Variants in AKT3 observed in about 807,000 individuals in gnomAD.
The protein encoded by AKT3 is AKT serine/threonine kinase 3.
In AKT3, 15 loss-of-function variants were observed where a neutral mutation model predicts 65.3. The observed-to-expected ratio is 0.23, with a 90% CI of 0.15 to 0.35. The LOEUF is 0.35. Ranked by LOEUF, AKT3 falls within the 10% of genes least tolerant of loss-of-function variation. AKT3 has a pLI of 1.00. For synonymous variants in AKT3, 206 were observed against 183.8 expected, an observed-to-expected ratio of 1.12 and a Z score of -0.98; for missense variants, 243 against 576.5, an observed-to-expected ratio of 0.42 and a Z score of 5.92.
intron 8 of AKT3, among the ~76,000 whole-genome samples, chr1:243,600,083 G>A (rs1329309577): frequency 6.6e-6 from 1 of 151,984 alleles, no homozygotes; most frequent in East Asian, 1.9e-4. Context: ...TAATTATAAA[G>A]TATCCCTAAG....
At chr1:243,806,607 T>C (rs1692741685) in intron 2 of AKT3, among the ~76,000 whole-genome samples, 1 of 152,228 alleles carries the variant, frequency 6.6e-6, no homozygotes, top group Non-Finnish European at 1.5e-5. Context: ...ACTTTTAATG[T>C]TAAGTACATT....
At chr1:243,569,047 C>G (rs540644269) in intron 9 of AKT3, among the ~76,000 whole-genome samples, 201 of 152,284 alleles carry the variant, frequency 1.3e-3, no homozygotes, top group African/African-American at 4.3e-3. Context: ...CTGTTACTCA[C>G]TCTTACACCA....
At chr1:243,679,304 C>T (rs972053694) in intron 3 of AKT3, among the ~76,000 whole-genome samples, 1 of 152,188 alleles carries the variant, frequency 6.6e-6, no homozygotes, top group Non-Finnish European at 1.5e-5. Flanking sequence ...GTTGAAGCCC[C>T]TAAACTTTGC....
rs548255810 is a variant in AKT3, at chr1:243,799,858, T to C, written c.46+43267A>G. Among the ~76,000 whole-genome samples, 17 of 152,332 alleles carry C rather than the reference T, an allele frequency of 1.1e-4. No homozygotes were observed. The East Asian group carries it at 3.3e-3, about 29-fold the overall frequency. On this transcript the variant is annotated intron_variant, in intron 2 of 13. Coordinates refer to ENST00000673466, the MANE Select transcript of AKT3 (RefSeq NM_005465.7). Reference sequence around the variant, plus strand: ...CTTTTACTATATTTCAAAGGAAAACTATCTAGCACTTTGGGGCACTTATTA... The same window carrying C: ...CTTTTACTATATTTCAAAGGAAAACCATCTAGCACTTTGGGGCACTTATTA...
At chr1:243,823,231 C>T (rs1014342732) in intron 2 of AKT3, among the ~76,000 whole-genome samples, 1 of 152,116 alleles carries the variant, frequency 6.6e-6, no homozygotes, top group Non-Finnish European at 1.5e-5. Context: ...TTCAACATCC[C>T]TTAATGTTAA....
At chr1:243,743,913 TATAAAGA>T (rs1429550041) in intron 2 of AKT3, among the ~76,000 whole-genome samples, 2 of 152,178 alleles carry the variant, frequency 1.3e-5, no homozygotes, top group Non-Finnish European at 2.9e-5. Context: ...GCTGCTGGAA[TATAAAGA>T]ATAAACACTT....
intron 5 of AKT3, among the ~76,000 whole-genome samples, chr1:243,645,248 C>A (rs1195383376): frequency 6.6e-6 from 1 of 152,136 alleles, no homozygotes; most frequent in Non-Finnish European, 1.5e-5. Context: ...AAGCTTATCT[C>A]AACACCTCTA....
At position 243,652,875 on chromosome 1, in the gene AKT3, A is replaced by C. The variant is rs530622004; in HGVS notation, c.285-6838T>G. 2.0e-5 allele frequency among the ~76,000 whole-genome samples: 3 copies of C among 152,094 alleles called. No homozygotes were observed. The South Asian group carries it at 6.2e-4, about 32-fold the overall frequency. On this transcript the variant is annotated intron_variant, in intron 4 of 13. Coordinates refer to ENST00000673466, the MANE Select transcript of AKT3 (RefSeq NM_005465.7). ...AAGAGACAAAGAAAGGCATTACATAATGGTAAAGGGATCGATGCAACAAAA... is the reference window on the plus strand; with the variant it reads ...AAGAGACAAAGAAAGGCATTACATACTGGTAAAGGGATCGATGCAACAAAA...
intron 4 of AKT3, among the ~76,000 whole-genome samples, chr1:243,659,410 A>T (rs761432405): frequency 7.2e-5 from 11 of 152,202 alleles, no homozygotes; most frequent in Non-Finnish European, 1.2e-4. Context: ...ATTTCACATT[A>T]TGTAATTTTT....
intron 3 of AKT3, among the ~76,000 whole-genome samples, chr1:243,694,792 CT>C (rs375227830): frequency 2.7e-4 from 41 of 151,766 alleles, no homozygotes; most frequent in African/African-American, 9.2e-4. Context: ...TCCCTTGTAT[CT>C]TTTTTTCCCA....
At chr1:243,566,531 G>A (rs1180219341) in intron 9 of AKT3, among the ~76,000 whole-genome samples, 1 of 152,154 alleles carries the variant, frequency 6.6e-6, no homozygotes, top group Non-Finnish European at 1.5e-5. Context: ...TGGGGTAAGG[G>A]TCATGGCCAT....
downstream of AKT3, among the ~76,000 whole-genome samples, chr1:243,497,967 C>G (rs1300221796): frequency 2.0e-5 from 3 of 152,182 alleles, no homozygotes; most frequent in Non-Finnish European, 4.4e-5. Context: ...CAGGTGTGAG[C>G]CACTGTTGGG....
intron 2 of AKT3, among the ~76,000 whole-genome samples, chr1:243,754,921 G>A (rs959420099): frequency 2.3e-4 from 35 of 152,148 alleles, no homozygotes; most frequent in Non-Finnish European, 2.8e-4. Flanking sequence ...GAATGATCGG[G>A]TTCAAAAATG....
chr1:243,728,779 C>T (rs1440084295), intron 2 of AKT3, among the ~76,000 whole-genome samples: 2 of 152,156 alleles, frequency 1.3e-5, no homozygotes, highest in African/African-American at 2.4e-5. Flanking sequence ...TCTATGGACT[C>T]TAAGGCAAGA....
At chr1:243,777,312 C>T (rs1690615914) in intron 2 of AKT3, among the ~76,000 whole-genome samples, 1 of 152,188 alleles carries the variant, frequency 6.6e-6, no homozygotes, top group Admixed American at 6.5e-5. Context: ...GCTAATCTGA[C>T]AAGAGGTGGA....
chr1:243,550,752 T>C (rs1672995491), intron 11 of AKT3, among the ~76,000 whole-genome samples: 1 of 124,522 alleles, frequency 8.0e-6, no homozygotes, highest in Admixed American at 1.0e-4. Context: ...GAGACCATCC[T>C]GGCCAACATG....
At chr1:243,814,091 C>T (rs2148405787) in intron 2 of AKT3, among the ~76,000 whole-genome samples, 1 of 152,062 alleles carries the variant, frequency 6.6e-6, no homozygotes, top group African/African-American at 2.4e-5. Context: ...GATCAGGTCA[C>T]AAAATAAAAT....
At chr1:243,599,193 C>T (rs774281262) in intron 8 of AKT3, among the ~76,000 whole-genome samples, 9 of 152,004 alleles carry the variant, frequency 5.9e-5, no homozygotes, top group South Asian at 4.1e-4. Context: ...ACAAAAGTTA[C>T]GGCTATCAGA....
At chr1:243,765,776 C>A (rs1689782368) in intron 2 of AKT3, among the ~76,000 whole-genome samples, 1 of 152,096 alleles carries the variant, frequency 6.6e-6, no homozygotes, top group African/African-American at 2.4e-5. Flanking sequence ...ATTTAAGTTA[C>A]AAAGTTACTC....
Sources: allele counts gnomAD v4.1 joint callset (sites outside exome capture counted in the v4.1 genomes callset), GRCh38; gene constraint gnomAD v4.1.1; transcripts MANE v1.5; gene names NCBI Gene and HGNC (gene_info 2026-07-23, HGNC 2026-07-21).